MAGI1: variants seen among roughly 807,000 people sequenced by gnomAD.
MAGI1 encodes the protein membrane-associated guanylate kinase, WW and PDZ domain-containing protein 1.
In MAGI1, 58 loss-of-function variants were observed where a neutral mutation model predicts 139.9. That is an observed-to-expected ratio of 0.41 (90% CI 0.34 to 0.52). The LOEUF (loss-of-function observed/expected upper bound fraction) is 0.52, where lower values mean the gene tolerates loss of function less well. MAGI1 is among the 20% of genes least tolerant of loss of function. MAGI1 has a pLI of 0.12. For missense variants in MAGI1, 1,874 were observed against 1,901.6 expected (o/e 0.99, Z 0.27); for synonymous variants, 812 against 737.9 (o/e 1.10, Z -1.63).
At chr3:65,564,560 T>C (rs1237990615) in intron 2 of MAGI1, among the ~76,000 whole-genome samples, 4 of 152,152 alleles carry the variant, frequency 2.6e-5, no homozygotes, top group African/African-American at 7.2e-5. Context: ...TTTACAATAG[T>C]AACAACATGA....
In MAGI1 at chr3:65,395,636, C is replaced by CAAAAAAAAAAAAAAAAAAA. The variant is rs58806140; in HGVS notation, c.2200-4297_2200-4279dup. Among the ~76,000 whole-genome samples, 132 of 19,162 alleles carry CAAAAAAAAAAAAAAAAAAA rather than the reference C, an allele frequency of 6.9e-3. 24 individuals carry two copies. The highest frequency in any genetic ancestry group is 0.011 in the African/African-American group (63 of 5,750). 12.6% of individuals were successfully genotyped at this position (19,162 alleles called of 152,430 possible). A position where few individuals can be genotyped will look rare whatever the true frequency, so the allele number is the denominator to read the frequency against. The stretch of plus-strand genomic sequence containing the variant: ...TGGGTGACAGAGCGAGACTCCATCT[C>CAAAAAAAAAAAAAAAAAAA]AAAAAAAAAAAAAAAAAAAAAGAGG... On this transcript the variant is annotated intron_variant, in intron 13 of 22. Coordinates refer to ENST00000402939, the MANE Select transcript of MAGI1 (RefSeq NM_001033057.2).
chr3:65,602,358 C>A (rs925293895), intron 2 of MAGI1, among the ~76,000 whole-genome samples: 1 of 152,134 alleles, frequency 6.6e-6, no homozygotes, highest in Non-Finnish European at 1.5e-5. Context: ...TGAGAGGATA[C>A]TATTGGGCAA....
intron 1 of MAGI1, among the ~76,000 whole-genome samples, chr3:65,952,317 T>C (rs932374412): frequency 3.3e-5 from 5 of 152,206 alleles, no homozygotes; most frequent in African/African-American, 1.2e-4. Flanking sequence ...TGACTCATAA[T>C]TCCTGTTTTT....
At chr3:65,733,151 T>C (rs1044081581) in intron 1 of MAGI1, among the ~76,000 whole-genome samples, 2 of 152,184 alleles carry the variant, frequency 1.3e-5, no homozygotes, top group Middle Eastern at 3.4e-3. Context: ...CTCCGCCTCC[T>C]GGGTTCAAGC....
At chr3:65,643,678 A>T (rs1051947883) in intron 1 of MAGI1, among the ~76,000 whole-genome samples, 2 of 150,304 alleles carry the variant, frequency 1.3e-5, no homozygotes, top group Admixed American at 1.3e-4. Flanking sequence ...CAACAACAAC[A>T]ACAAAGCCTG....
chr3:65,419,391 G>A (rs975034902), intron 12 of MAGI1, among the ~76,000 whole-genome samples: 3 of 152,100 alleles, frequency 2.0e-5, no homozygotes, highest in African/African-American at 7.2e-5. Context: ...ACACTCTAAT[G>A]TTTTCTGTTT....
At chr3:66,007,380 A>G (rs1466358442) in intron 1 of MAGI1, among the ~76,000 whole-genome samples, 1 of 152,238 alleles carries the variant, frequency 6.6e-6, no homozygotes, top group African/African-American at 2.4e-5. Flanking sequence ...CAGAAGAATT[A>G]GGAAGCCAAA....
intron 3 of MAGI1, among the ~76,000 whole-genome samples, chr3:65,481,106 C>T (rs1385161735): frequency 6.6e-6 from 1 of 152,120 alleles, no homozygotes; most frequent in Non-Finnish European, 1.5e-5. Context: ...TACGCACATT[C>T]TGGTGGCTTA....
chr3:65,852,070 T>C (rs1281523283), intron 1 of MAGI1, among the ~76,000 whole-genome samples: 1 of 152,192 alleles, frequency 6.6e-6, no homozygotes, highest in Admixed American at 6.5e-5. Context: ...CAAGGAATTG[T>C]GGGCCCAAGG....
intron 1 of MAGI1, among the ~76,000 whole-genome samples, chr3:65,714,945 G>A (rs891517544): frequency 2.0e-5 from 3 of 152,150 alleles, no homozygotes; most frequent in East Asian, 1.9e-4. Flanking sequence ...AACTCAGAAG[G>A]AGCAGGGACC....
chr3:65,903,138 G>GCA (rs1368948367), intron 1 of MAGI1, among the ~76,000 whole-genome samples: 1 of 152,046 alleles, frequency 6.6e-6, no homozygotes, highest in Non-Finnish European at 1.5e-5. Flanking sequence ...AGGACTACTG[G>GCA]CACACACCAA....
chr3:65,705,924 C>G (rs758100234), intron 1 of MAGI1, among the ~76,000 whole-genome samples: 9 of 152,114 alleles, frequency 5.9e-5, no homozygotes, highest in African/African-American at 2.2e-4. Flanking sequence ...GATATATTTC[C>G]TTATCTGCAG....
chr3:65,588,090 A>C (rs1370481525), intron 2 of MAGI1, among the ~76,000 whole-genome samples: 3 of 152,182 alleles, frequency 2.0e-5, no homozygotes, highest in African/African-American at 7.2e-5. Context: ...TGCCTACCAA[A>C]GACTCGCTAA....
intron 18 of MAGI1, among the ~76,000 whole-genome samples, chr3:65,370,307 AG>A (rs1941859125): frequency 6.6e-6 from 1 of 152,182 alleles, no homozygotes; most frequent in Non-Finnish European, 1.5e-5. Flanking sequence ...ACCCTCTGCC[AG>A]ACTTGATTCC....
intron 1 of MAGI1, among the ~76,000 whole-genome samples, chr3:66,032,809 G>A (rs978192838): frequency 4.7e-5 from 7 of 150,498 alleles, no homozygotes; most frequent in East Asian, 4.1e-4. Context: ...CCAGCTACTC[G>A]GGAGGCTAAG....
At position 65,916,752 on chromosome 3, in the gene MAGI1, TCTTA is replaced by T. The variant is rs534534431; in HGVS notation, c.313+121240_313+121243del. Among the ~76,000 whole-genome samples the T allele has an allele frequency of 2.0e-3, 306 of 152,054 alleles. 1 individual carries two copies. The highest frequency in any genetic ancestry group is 6.7e-3 in the African/African-American group (277 of 41,470). ...TGCACCTGGCCTATATACATGAATTTCTTACTTAAGTACATGTATCATACACACA... is the reference window on the plus strand; with the variant it reads ...TGCACCTGGCCTATATACATGAATTTCTTAAGTACATGTATCATACACACA... On this transcript the variant is annotated intron_variant, in intron 1 of 22. Transcript: ENST00000402939.
intron 16 of MAGI1, among the ~76,000 whole-genome samples, chr3:65,381,129 G>A (rs932632813): frequency 6.6e-6 from 1 of 152,132 alleles, no homozygotes; most frequent in Non-Finnish European, 1.5e-5. Context: ...CAACCAAGGT[G>A]TGTTCAACGT....
intron 1 of MAGI1, among the ~76,000 whole-genome samples, chr3:65,859,916 T>G (rs866639836): frequency 2.6e-5 from 4 of 151,220 alleles, no homozygotes; most frequent in African/African-American, 7.3e-5. Flanking sequence ...GTTTTTTTTT[T>G]TTTGAGACAC....
chr3:65,391,284 T>C lies in MAGI1; in HGVS notation c.2274A>G (p.Ala758=), dbSNP rs746969064. 1.9e-6 allele frequency: 3 copies of C among 1,614,210 alleles called. No homozygotes were observed. The highest frequency in any genetic ancestry group is 2.5e-6 in the Non-Finnish European group (3 of 1,180,034). The part of the protein sequence containing the change: ...SVSSHRSLHT[A]SPSHSTQVLP... ...GCACCTGTGTGCTGTGGCTTGGGGATGCTGTGTGCAGGCTTCGGTGGCTGG... is the reference window on the plus strand; with the variant it reads ...GCACCTGTGTGCTGTGGCTTGGGGACGCTGTGTGCAGGCTTCGGTGGCTGG... The change falls in exon 14 of 23, where the codon GCA becomes GCG. Residue 758 remains alanine, a synonymous_variant. Coordinates refer to ENST00000402939, the MANE Select transcript of MAGI1 (RefSeq NM_001033057.2).
Sources: gnomAD v4.1 joint callset for allele counts (sites outside exome capture counted in the v4.1 genomes callset) on GRCh38, gnomAD v4.1.1 for gene constraint, MANE v1.5 for transcripts, NCBI Gene and HGNC (gene_info 2026-07-23, HGNC 2026-07-21) for gene names.